The following UPF3B variants were observed in gnomAD, a reference collection of about 807,000 sequenced individuals.
UPF3B encodes UPF3B regulator of nonsense mediated mRNA decay.
In UPF3B, 7 loss-of-function variants were observed where a neutral mutation model predicts 40.3. That is an observed-to-expected ratio of 0.17 (90% CI 0.10 to 0.33). The LOEUF is 0.33. Ranked by LOEUF, UPF3B falls within the 10% of genes least tolerant of loss-of-function variation. The pLI, the probability that UPF3B is intolerant of heterozygous loss-of-function variation, is 1.00. For missense variants in UPF3B, 229 were observed against 358.9 expected (o/e 0.64, Z 2.93); for synonymous variants, 117 against 117.3 (o/e 1.00, Z 0.01).
At position 119,845,260 on chromosome X, in the gene UPF3B, A is replaced by C; in HGVS notation, c.407T>G (p.Phe136Cys). The change falls in exon 4 of 11, where the codon TTT becomes TGT. Residue 136 changes from phenylalanine (F) to cysteine (C), a missense_variant. This residue lies in a region of UPF3B where 87 missense variants were observed against 184.2 expected (regional missense o/e 0.47). Coordinates refer to ENST00000276201, the MANE Select transcript of UPF3B (RefSeq NM_080632.3). The part of the protein sequence containing the change: ...EYPAIVEFAP[F>C]QKAAKKKTKK... ...AGTCTTCTTTTTTGCAGCTTTTTGAAAAGGTGCAAATTCTACTATAGCGGG... is the reference window on the plus strand; with the variant it reads ...AGTCTTCTTTTTTGCAGCTTTTTGACAAGGTGCAAATTCTACTATAGCGGG... 1 of 1,210,572 alleles carries C rather than the reference A, an allele frequency of 8.3e-7. No individual in the cohort carries two copies. The highest frequency in any genetic ancestry group is 1.1e-6 in the Non-Finnish European group (1 of 894,844).
At chrX:119,809,670 G>A (rs2055815546) in intron 5 of UPF3B, among the ~76,000 whole-genome samples, 1 of 112,094 alleles carries the variant, frequency 8.9e-6, no homozygotes, top group East Asian at 2.8e-4. Flanking sequence ...GCAATGAGCT[G>A]AGATCGCGCC....
chrX:119,826,167 A>AC (rs2055976772), intron 3 of UPF3B, among the ~76,000 whole-genome samples: 1 of 109,265 alleles, frequency 9.2e-6, no homozygotes, highest in African/African-American at 3.3e-5. Flanking sequence ...TCTCAAAAAA[A>AC]GAAAAGGACC....
chrX:119,834,621 CAT>C lies in UPF3B; in HGVS notation c.*255_*256del. ...ACAATTCCCCCTGCAAATTGCAATG[CAT>C]GTCCTTGCCGTCACCTTTTTCTGAC... On this transcript the variant is annotated 3_prime_UTR_variant, in exon 11 of 11. Coordinates refer to ENST00000276201, the MANE Select transcript of UPF3B (RefSeq NM_080632.3). 1 of 1,037,820 alleles carries C rather than the reference CAT, an allele frequency of 9.6e-7. No individual in the cohort carries two copies. The highest frequency in any genetic ancestry group is 1.9e-5 in the African/African-American group (1 of 52,798). The allele number at this position is 1,037,820 out of a possible 1,213,427, so 85.5% of individuals were successfully genotyped here.
At chrX:119,842,746 G>T (rs1457980270) in intron 5 of UPF3B, among the ~76,000 whole-genome samples, 1 of 111,428 alleles carries the variant, frequency 9.0e-6, no homozygotes, top group Admixed American at 9.6e-5. Context: ...TTATGCTCAT[G>T]TTTAGAGCTA....
At chrX:119,816,631 G>A (rs777601368) in intron 4 of UPF3B, among the ~76,000 whole-genome samples, 111 of 111,546 alleles carry the variant, frequency 1.0e-3, no homozygotes, top group African/African-American at 3.3e-3. Context: ...AGGCAAGGAT[G>A]TCAACTCATG....
intron 3 of UPF3B, among the ~76,000 whole-genome samples, chrX:119,850,724 T>C (rs1295630563): frequency 1.8e-5 from 2 of 111,740 alleles, no homozygotes; most frequent in Non-Finnish European, 1.9e-5. Flanking sequence ...GGATATAAAG[T>C]AAGAGATGTA....
In UPF3B at chrX:119,849,481, A is replaced by G. The variant is rs758969071; in HGVS notation, c.370+2014T>C. ...GTACTCCAGCCTGGGCGACAGAGTTAAGACTCTGTCTCAAAAAAAAAAAGA... is the reference window on the plus strand; with the variant it reads ...GTACTCCAGCCTGGGCGACAGAGTTGAGACTCTGTCTCAAAAAAAAAAAGA... On this transcript the variant is annotated intron_variant, in intron 3 of 10. Transcript: ENST00000276201. Among the ~76,000 whole-genome samples, 4 of 97,003 alleles carry G rather than the reference A, an allele frequency of 4.1e-5. No homozygotes were observed. The South Asian group carries it at 1.6e-3, about 38-fold the overall frequency. The allele number at this position is 97,003 out of a possible 115,157, so 84.2% of individuals were successfully genotyped here. A position where few individuals can be genotyped will look rare whatever the true frequency, so the allele number is the denominator to read the frequency against.
chrX:119,823,724 C>G (rs61033195), intron 3 of UPF3B, among the ~76,000 whole-genome samples: 1 of 109,222 alleles, frequency 9.2e-6, no homozygotes, highest in Non-Finnish European at 1.9e-5. Context: ...CCACCATGCC[C>G]GGCTAATTTT....
chrX:119,846,505 TAAAAAAAAA>T (rs780880120), intron 3 of UPF3B, among the ~76,000 whole-genome samples: 1 of 58,092 alleles, frequency 1.7e-5, no homozygotes, highest in Admixed American at 2.3e-4. Flanking sequence ...TCGAGCCTGG[TAAAAAAAAA>T]AAAAAAAAAA....
chrX:119,820,468 G>C (rs2055905766), intron 4 of UPF3B, among the ~76,000 whole-genome samples: 1 of 101,878 alleles, frequency 9.8e-6, no homozygotes, highest in South Asian at 4.5e-4. Flanking sequence ...GGGTGTGGTG[G>C]TGAGGGGGGC....
chrX:119,825,012 C>A (rs1013243928), intron 3 of UPF3B, among the ~76,000 whole-genome samples: 1 of 110,711 alleles, frequency 9.0e-6, no homozygotes, highest in Non-Finnish European at 1.9e-5. Context: ...GGTGATCCAC[C>A]GGCCTTGGCT....
chrX:119,822,951 TTC>T lies in UPF3B; in HGVS notation c.483_484del (p.Glu162LysfsTer25). ...GGCTAATACCACTTTCCTGCTTTCT[TTC>T]TACTGCTGAATCTCCAGACTTGTCA... On this transcript the variant is annotated frameshift_variant, in exon 4 of 7. Transcript: ENST00000636792. LOFTEE classifies it high-confidence loss of function. The T allele has an allele frequency of 1.1e-6, 1 of 922,034 alleles. No individual in the cohort carries two copies. The highest frequency in any genetic ancestry group is 1.4e-6 in the Non-Finnish European group (1 of 730,227). 76.0% of individuals were successfully genotyped at this position (922,034 alleles called of 1,213,427 possible).
intron 4 of UPF3B, among the ~76,000 whole-genome samples, chrX:119,816,630 T>G (rs1479379238): frequency 9.0e-6 from 1 of 111,384 alleles, no homozygotes; most frequent in Non-Finnish European, 1.9e-5. Context: ...GAGGCAAGGA[T>G]GTCAACTCAT....
chrX:119,809,400 T>G (rs2055814307), intron 5 of UPF3B, among the ~76,000 whole-genome samples: 1 of 112,093 alleles, frequency 8.9e-6, no homozygotes. Context: ...AAATGTGTAT[T>G]ATCAAGAAAC....
chrX:119,826,589 T>C (rs917979373), intron 3 of UPF3B, among the ~76,000 whole-genome samples: 1 of 112,517 alleles, frequency 8.9e-6, no homozygotes, highest in Admixed American at 9.5e-5. Flanking sequence ...AACTTTCCAC[T>C]TGATGGCTGC....
In UPF3B at chrX:119,841,276, C is replaced by T. The variant is rs1488381612; in HGVS notation, c.625-18G>A. On this transcript the variant is annotated intron_variant, in intron 6 of 10. Transcript: ENST00000276201. Reference sequence around the variant, plus strand: ...CTCATTCTCTAGAAAGAAACATCAACACAAGCCTTCAAATAAAATAATCAT... The same window carrying T: ...CTCATTCTCTAGAAAGAAACATCAATACAAGCCTTCAAATAAAATAATCAT... 2.5e-6 allele frequency: 3 copies of T among 1,201,845 alleles called. No homozygotes were observed. The East Asian group carries it at 8.9e-5, about 36-fold the overall frequency.
intron 4 of UPF3B, among the ~76,000 whole-genome samples, chrX:119,817,000 C>T (rs1009831429): frequency 9.0e-6 from 1 of 110,920 alleles, no homozygotes; most frequent in Non-Finnish European, 1.9e-5. Flanking sequence ...GACGTAGTCT[C>T]GCTCTTGTCG....
At chrX:119,852,055 TA>T (rs111728508) in intron 1 of UPF3B, among the ~76,000 whole-genome samples, 182 bp from the exon 2 acceptor site, 1 of 110,696 alleles carries the variant, frequency 9.0e-6, no homozygotes, top group African/African-American at 3.3e-5. Flanking sequence ...TAACGCGGTT[TA>T]AAAAAACCCT....
At chrX:119,811,100 G>T (rs186523763) in intron 5 of UPF3B, among the ~76,000 whole-genome samples, 4 of 108,421 alleles carry the variant, frequency 3.7e-5, no homozygotes, top group Non-Finnish European at 7.7e-5. Context: ...GTGCAGTGAC[G>T]TGATCTCCGC....
Sources: allele counts gnomAD v4.1 joint callset (sites outside exome capture counted in the v4.1 genomes callset), GRCh38; gene constraint gnomAD v4.1.1; regional missense constraint gnomAD v4.1.1; transcripts MANE v1.5; gene names NCBI Gene and HGNC (gene_info 2026-07-23, HGNC 2026-07-21).